Variants in DMGDH observed in about 807,000 individuals in gnomAD.
The protein encoded by DMGDH is dimethylglycine dehydrogenase, mitochondrial.
In DMGDH, 76 loss-of-function variants were observed where a neutral mutation model predicts 95.2. The observed-to-expected ratio is 0.80, with a 90% CI of 0.66 to 0.97. DMGDH has a LOEUF of 0.97. DMGDH is among the 50% of genes least tolerant of loss of function. The probability of loss-of-function intolerance (pLI) is 0.00; values close to 1 mark genes in which losing one functional copy is unlikely to be tolerated. For synonymous variants in DMGDH, 345 were observed against 377.6 expected (o/e 0.91, Z 1.00); for missense variants, 987 against 1,055.0 (o/e 0.94, Z 0.89).
At position 79,051,396 on chromosome 5, in the gene DMGDH, A is replaced by C; in HGVS notation, c.636T>G (p.Leu212=). 1 of 1,614,186 alleles carries C rather than the reference A, an allele frequency of 6.2e-7. No homozygotes were observed. Among genetic ancestry groups the C allele is most frequent in the Non-Finnish European group, 8.5e-7 (1 of 1,180,020 alleles). The change falls in exon 5 of 16, where the codon CTT becomes CTG. Residue 212 remains leucine (L), a synonymous_variant. Transcript: ENST00000255189. The stretch of plus-strand genomic sequence containing the variant: ...AAGTTACTGGTGCAGGATATTTTAA[A>C]AGGGCACCACATTTCCTAGCCCCAG... ...LAAGARKCGA[L]LKYPAPVTSL...
chr5:79,033,057 G>A lies in DMGDH; in HGVS notation c.1363+182C>T, dbSNP rs187817428. 3.2e-3 allele frequency among the ~76,000 whole-genome samples: 494 copies of A among 152,094 alleles called. 1 individual carries two copies. Among genetic ancestry groups the A allele is most frequent in the Middle Eastern group, 0.031 (9 of 294 alleles). Reference sequence around the variant, plus strand: ...ATATTTAAAATTTAAAACCAGTGAGGCATTCCACGTGTTAAATATATACAT... The same window carrying A: ...ATATTTAAAATTTAAAACCAGTGAGACATTCCACGTGTTAAATATATACAT... On this transcript the variant is annotated intron_variant, in intron 8 of 15. Transcript: ENST00000255189.
chr5:79,008,510 A>G (rs1580183975), intron 14 of DMGDH, among the ~76,000 whole-genome samples: 2 of 152,138 alleles, frequency 1.3e-5, no homozygotes, highest in South Asian at 2.1e-4. Context: ...GAACAGCCCT[A>G]ATGGAGCCAC....
At chr5:79,048,946 C>A (rs769598735) in intron 5 of DMGDH, among the ~76,000 whole-genome samples, 4 of 152,042 alleles carry the variant, frequency 2.6e-5, no homozygotes, top group Non-Finnish European at 5.9e-5. Context: ...CCACAAGTTT[C>A]AGCAAAGAAA....
At chr5:79,010,790 A>T (rs549961004) in intron 14 of DMGDH, among the ~76,000 whole-genome samples, 3 of 152,340 alleles carry the variant, frequency 2.0e-5, no homozygotes, top group African/African-American at 7.2e-5. Context: ...TTCCTTGGGA[A>T]TCAGGCACAG....
chr5:79,014,126 G>A (rs1384375181), intron 14 of DMGDH, among the ~76,000 whole-genome samples: 1 of 152,098 alleles, frequency 6.6e-6, no homozygotes, highest in Non-Finnish European at 1.5e-5. Context: ...ACTAGAACAG[G>A]AACCATAGTC....
chr5:79,023,451 G>A (rs1345528520), intron 14 of DMGDH, among the ~76,000 whole-genome samples: 1 of 152,172 alleles, frequency 6.6e-6, no homozygotes, highest in Non-Finnish European at 1.5e-5. Context: ...TTGGCCTCAT[G>A]ATATGCTTTT....
intron 14 of DMGDH, among the ~76,000 whole-genome samples, chr5:79,009,779 A>G (rs1320470692): frequency 6.6e-6 from 1 of 152,146 alleles, no homozygotes; most frequent in Non-Finnish European, 1.5e-5. Context: ...TTTAAGTAAA[A>G]TGAGGGCATT....
chr5:79,024,420 C>CT, intron 13 of DMGDH, 90 bp from the exon 14 acceptor site: 1 of 1,263,286 alleles, frequency 7.9e-7, no homozygotes, highest in African/African-American at 1.5e-5. Flanking sequence ...AGAAAGAACC[C>CT]TTTTTGATTT....
chr5:79,001,006 T>C (rs1753443950), intron 15 of DMGDH: 1 of 701,650 alleles, frequency 1.4e-6, no homozygotes, highest in Non-Finnish European at 2.6e-6. Flanking sequence ...CTAATTCTAA[T>C]ACAAAATATT....
intron 14 of DMGDH, among the ~76,000 whole-genome samples, chr5:79,019,072 G>A (rs899812973): frequency 1.3e-5 from 2 of 152,140 alleles, no homozygotes; most frequent in South Asian, 4.2e-4. Context: ...AAGATAACAT[G>A]GCACCAATGT....
At chr5:79,023,531 A>T (rs1753918306) in intron 14 of DMGDH, among the ~76,000 whole-genome samples, 1 of 152,194 alleles carries the variant, frequency 6.6e-6, no homozygotes, top group Non-Finnish European at 1.5e-5. Context: ...GGGGTTGTTA[A>T]AACAGATTTG....
chr5:79,062,203 C>T (rs1363395202), intron 2 of DMGDH, among the ~76,000 whole-genome samples: 1 of 151,866 alleles, frequency 6.6e-6, no homozygotes, highest in Non-Finnish European at 1.5e-5. Context: ...TCTCCTCCTC[C>T]ATCATTTTGC....
At position 79,005,270 on chromosome 5, in the gene DMGDH, C is replaced by T; in HGVS notation, c.2385+3G>A. ...CCCTGGCAGTGAGGTCCTCAGCACT[C>T]ACCTTGCCATTGTACCAGATGCTTT... is the stretch of plus-strand genomic sequence containing the variant. On this transcript the variant is annotated splice_donor_region_variant and intron_variant, in intron 15 of 15. Transcript: ENST00000255189. 6.2e-7 allele frequency: 1 copy of T among 1,613,526 alleles called. No individual in the cohort carries two copies. The highest frequency in any genetic ancestry group is 8.5e-7 in the Non-Finnish European group (1 of 1,179,842).
intron 5 of DMGDH, among the ~76,000 whole-genome samples, chr5:79,045,881 A>C (rs990938926): frequency 6.6e-6 from 1 of 152,194 alleles, no homozygotes; most frequent in Non-Finnish European, 1.5e-5. Context: ...GGGAACCTAG[A>C]TTATGTACTT....
chr5:79,054,557 TC>T (rs1459611539), intron 3 of DMGDH, among the ~76,000 whole-genome samples: 4 of 152,216 alleles, frequency 2.6e-5, no homozygotes, highest in Non-Finnish European at 5.9e-5. Flanking sequence ...CAGGCACTAT[TC>T]TAAGCCCCAC....
intron 1 of DMGDH, among the ~76,000 whole-genome samples, chr5:79,068,677 T>C (rs1290076429): frequency 6.6e-6 from 1 of 152,226 alleles, no homozygotes; most frequent in Non-Finnish European, 1.5e-5. Flanking sequence ...TAATGTTGAG[T>C]GATGCTGATA....
intron 14 of DMGDH, among the ~76,000 whole-genome samples, chr5:79,019,046 A>T (rs1580190025): frequency 6.6e-6 from 1 of 152,172 alleles, no homozygotes; most frequent in Non-Finnish European, 1.5e-5. Flanking sequence ...CAGATGACAC[A>T]ATTATGTGGC....
In DMGDH at chr5:79,044,492, T is replaced by G. The variant is rs779020081; in HGVS notation, c.806A>C (p.Gln269Pro). 46 of 1,614,074 alleles carry G rather than the reference T, an allele frequency of 2.8e-5. 1 individual carries two copies. The highest frequency in any genetic ancestry group is 1.4e-5 in the Non-Finnish European group (16 of 1,180,030). ...IGLEHPLIPV[Q>P]HQYVVTSTIS... ...AGTCGATGTAACAACATATTGATGT[T>G]GAACCGGAATGAGAGGATGTTCTAG... is the stretch of plus-strand genomic sequence containing the variant. The change falls in exon 6 of 16, where the codon CAA (glutamine) becomes CCA (proline). Residue 269 changes from glutamine (Q) to proline (P), a missense_variant. Gln to Pro is a moderately conservative substitution (Grantham distance 76, BLOSUM62 -1). Coordinates refer to ENST00000255189, the MANE Select transcript of DMGDH (RefSeq NM_013391.3).
In DMGDH at chr5:79,051,382, G is replaced by T; in HGVS notation, c.650C>A (p.Ala217Glu). 1 of 1,614,148 alleles carries T rather than the reference G, an allele frequency of 6.2e-7. No homozygotes were observed. Among genetic ancestry groups the T allele is most frequent in the Non-Finnish European group, 8.5e-7 (1 of 1,180,022 alleles). Residue 217 changes from alanine (A) to glutamate (E), a missense_variant, in exon 5 of 16, where the codon GCA becomes GAA. By Grantham distance (107) the Ala-to-Glu change is moderately radical. Transcript: ENST00000255189. ...CCTGGCTTTCAGAGAAGTTACTGGTGCAGGATATTTTAAAAGGGCACCACA... is the reference window on the plus strand; with the variant it reads ...CCTGGCTTTCAGAGAAGTTACTGGTTCAGGATATTTTAAAAGGGCACCACA... ...RKCGALLKYP[A>E]PVTSLKARSD...
Sources: gnomAD v4.1 joint callset for allele counts (sites outside exome capture counted in the v4.1 genomes callset) on GRCh38, gnomAD v4.1.1 for gene constraint, MANE v1.5 for transcripts, NCBI Gene and HGNC (gene_info 2026-07-23, HGNC 2026-07-21) for gene names.